The following AGPAT3 variants were observed in gnomAD, a reference collection of about 807,000 sequenced individuals.
AGPAT3 encodes 1-acylglycerol-3-phosphate O-acyltransferase 3.
A neutral mutation model predicts 47.3 loss-of-function variants in AGPAT3; 5 were observed. The ratio of observed to expected loss-of-function variants is 0.11; its 90% CI spans 0.06 to 0.22. AGPAT3 has a LOEUF of 0.22. Ranked by LOEUF, AGPAT3 falls within the 10% of genes least tolerant of loss-of-function variation. The pLI is 1.00. For synonymous variants in AGPAT3, 212 were observed against 208.3 expected, an observed-to-expected ratio of 1.02 and a Z score of -0.15; for missense variants, 315 against 493.0, an observed-to-expected ratio of 0.64 and a Z score of 3.42.
At chr21:43,926,961 A>G (rs1270194248) in intron 2 of AGPAT3, among the ~76,000 whole-genome samples, 1 of 144,140 alleles carries the variant, frequency 6.9e-6, no homozygotes, top group African/African-American at 2.6e-5. Context: ...TCTAGGCGAC[A>G]GAGGAAGACT....
intron 3 of AGPAT3, among the ~76,000 whole-genome samples, chr21:43,961,322 A>G (rs1451898477): frequency 6.6e-6 from 1 of 151,036 alleles, no homozygotes; most frequent in Non-Finnish European, 1.5e-5. Context: ...CGGTGAGCGC[A>G]TAGACACTTT....
intron 2 of AGPAT3, among the ~76,000 whole-genome samples, chr21:43,940,342 C>G (rs2146360178): frequency 6.6e-6 from 1 of 152,330 alleles, no homozygotes; most frequent in East Asian, 1.9e-4. Flanking sequence ...GTGAGTGAGG[C>G]CGGGGCCCGG....
chr21:43,951,018 A>C (rs527518204), intron 2 of AGPAT3: 2 of 152,204 alleles, frequency 1.3e-5, no homozygotes, highest in Non-Finnish European at 2.9e-5. Context: ...CTGCGTCTCT[A>C]CTGTTCCTGA....
chr21:43,953,335 G>C (rs567298164), intron 2 of AGPAT3, among the ~76,000 whole-genome samples: 2 of 152,322 alleles, frequency 1.3e-5, no homozygotes, highest in African/African-American at 4.8e-5. Context: ...GTATTCTGTC[G>C]GTATTCATTT....
In AGPAT3 at chr21:43,942,468, C is replaced by T. The variant is rs1461093710; in HGVS notation, c.-48-17166C>T. Among the ~76,000 whole-genome samples, 4 of 152,216 alleles carry T rather than the reference C, an allele frequency of 2.6e-5. No individual in the cohort carries two copies. In the South Asian group the frequency reaches 6.2e-4, roughly 24 times the overall value. Reference sequence around the variant, plus strand: ...CCACACGTGCCCAGGTACCTGGCGACGGACAGCAGGGAGCCCACAATGCCA... The same window carrying T: ...CCACACGTGCCCAGGTACCTGGCGATGGACAGCAGGGAGCCCACAATGCCA... On this transcript the variant is annotated intron_variant, in intron 2 of 9. Coordinates refer to ENST00000291572, the MANE Select transcript of AGPAT3 (RefSeq NM_020132.5).
intron 2 of AGPAT3, among the ~76,000 whole-genome samples, chr21:43,947,990 A>C (rs528561667): frequency 2.6e-5 from 4 of 152,224 alleles, no homozygotes; most frequent in Non-Finnish European, 5.9e-5. Context: ...TATATTGAAT[A>C]CGAGCCATTC....
At position 43,959,805 on chromosome 21, in the gene AGPAT3, A is replaced by G; in HGVS notation, c.124A>G (p.Ser42Gly). ...QLCTLALWPV[S>G]KQLYRRLNCR... ...GTGCACGCTGGCGCTCTGGCCGGTC[A>G]GCAAGCAGCTCTACCGCCGCCTCAA... Residue 42 changes from serine (S) to glycine (G), a missense_variant, in exon 3 of 10, where the codon AGC becomes GGC. Physicochemically the swap from Ser to Gly is moderately conservative, Grantham distance 56. Transcript: ENST00000291572. 3 of 1,613,076 alleles carry G rather than the reference A, an allele frequency of 1.9e-6. No individual in the cohort carries two copies. The highest frequency in any genetic ancestry group is 2.5e-6 in the Non-Finnish European group (3 of 1,179,918).
At position 43,922,074 on chromosome 21, in the gene AGPAT3, T is replaced by G. The variant is rs949196494; in HGVS notation, c.-49+18055T>G. Among the ~76,000 whole-genome samples the G allele has an allele frequency of 2.0e-5, 3 of 152,170 alleles. No individual in the cohort carries two copies. Reference sequence around the variant, plus strand: ...GTTGTGAGAATGTGGGCTTCCTTATTTGGGGGAGATTTTTTATAATGGAAA... The same window carrying G: ...GTTGTGAGAATGTGGGCTTCCTTATGTGGGGGAGATTTTTTATAATGGAAA... On this transcript the variant is annotated intron_variant, in intron 2 of 9. Coordinates refer to ENST00000291572, the MANE Select transcript of AGPAT3 (RefSeq NM_020132.5). This position sits in a 1 kb window ranked among gnomAD's most constrained non-coding sequence, Gnocchi z 4.9.
intron 1 of AGPAT3, among the ~76,000 whole-genome samples, chr21:43,871,448 T>C (rs1296480426): frequency 6.6e-6 from 1 of 152,232 alleles, no homozygotes; most frequent in Non-Finnish European, 1.5e-5. Context: ...AAAAATAATG[T>C]TTTCAGAATG....
intron 2 of AGPAT3, among the ~76,000 whole-genome samples, chr21:43,941,369 A>G (rs964981707): frequency 2.0e-5 from 3 of 152,176 alleles, no homozygotes; most frequent in Non-Finnish European, 4.4e-5. Context: ...AGTCTTCCCC[A>G]TGACTCAGTT....
intron 2 of AGPAT3, among the ~76,000 whole-genome samples, chr21:43,958,316 G>T (rs1374271717): frequency 6.6e-6 from 1 of 151,922 alleles, no homozygotes; most frequent in Non-Finnish European, 1.5e-5. Flanking sequence ...GTGTGCATGG[G>T]GTGGGGGGAT....
At chr21:43,977,873 G>A (rs1305279171) in intron 7 of AGPAT3, among the ~76,000 whole-genome samples, 173 bp from the exon 8 acceptor site, 4 of 149,460 alleles carry the variant, frequency 2.7e-5, no homozygotes, top group Admixed American at 6.7e-5. Flanking sequence ...GCAACAGAGC[G>A]AGACTCCATC....
In AGPAT3 at chr21:43,874,399, T is replaced by C. The variant is rs528060496; in HGVS notation, c.-112+9054T>C. Among the ~76,000 whole-genome samples the C allele has an allele frequency of 3.9e-5, 6 of 152,386 alleles. No homozygotes were observed. In the South Asian group the frequency reaches 1.2e-3, roughly 32 times the overall value. ...TACTGTCGTCTTGTTTATTTTGATA[T>C]GTAATATTTTCATTGTTCAGCATTT... On this transcript the variant is annotated intron_variant, in intron 1 of 9. Transcript: ENST00000291572.
intron 4 of AGPAT3, 139 bp downstream of exon 4, chr21:43,968,254 C>T: frequency 3.0e-6 from 1 of 329,630 alleles, no homozygotes; most frequent in Non-Finnish European, 4.3e-6. Flanking sequence ...TGGGAGTGAG[C>T]TGGGCGGGGT....
Position 43,907,095 on chromosome 21 carries a change from G to A in AGPAT3, c.-49+3076G>A, listed in dbSNP as rs369574888. Reference sequence around the variant, plus strand: ...CTCCCAGGCTGGAGCTCAATGACGCGATCTCAGGTCACTTCAGCCTTGAGC... The same window carrying A: ...CTCCCAGGCTGGAGCTCAATGACGCAATCTCAGGTCACTTCAGCCTTGAGC... On this transcript the variant is annotated intron_variant, in intron 2 of 9. Coordinates refer to ENST00000291572, the MANE Select transcript of AGPAT3 (RefSeq NM_020132.5). 1.1e-4 allele frequency among the ~76,000 whole-genome samples: 17 copies of A among 148,336 alleles called. No individual in the cohort carries two copies. The East Asian group carries it at 1.2e-3, about 10-fold the overall frequency.
chr21:43,904,188 A>C (rs2086431057), intron 2 of AGPAT3, among the ~76,000 whole-genome samples, 169 bp downstream of exon 2: 1 of 152,118 alleles, frequency 6.6e-6, no homozygotes, highest in Non-Finnish European at 1.5e-5. Context: ...ACCTTTGCTT[A>C]TGACCAACAG....
At chr21:43,882,170 G>A (rs1407904547) in intron 1 of AGPAT3, among the ~76,000 whole-genome samples, 1 of 152,260 alleles carries the variant, frequency 6.6e-6, no homozygotes, top group Non-Finnish European at 1.5e-5. Context: ...GTCAGTCTCA[G>A]CCTGTCATTC....
chr21:43,954,870 C>A lies in AGPAT3; in HGVS notation c.-48-4764C>A. ...GCACCCGGGCCAGGAGAAACATGTG[C>A]CAGAGGGCAGGCGTGGGCTCTCCGG... On this transcript the variant is annotated intron_variant, in intron 2 of 9. Transcript: ENST00000291572. The surrounding 1 kb of genome is among the most constrained non-coding windows in gnomAD (Gnocchi z 4.0). 3.4e-6 allele frequency: 1 copy of A among 293,600 alleles called. No individual in the cohort carries two copies. The highest frequency in any genetic ancestry group is 5.5e-6 in the Non-Finnish European group (1 of 183,486). The allele number at this position is 293,600 out of a possible 1,614,324, so 18.2% of individuals were successfully genotyped here.
intron 2 of AGPAT3, among the ~76,000 whole-genome samples, chr21:43,958,355 TTG>T (rs1257073945): frequency 2.7e-5 from 4 of 150,570 alleles, no homozygotes; most frequent in Non-Finnish European, 5.9e-5. Flanking sequence ...TGTGGTACAA[TTG>T]TGTGTGTGTG....
Sources: gnomAD v4.1 joint callset for allele counts (sites outside exome capture counted in the v4.1 genomes callset) on GRCh38, gnomAD v4.1.1 for gene constraint, Gnocchi (gnomAD v3.1) non-coding constraint, MANE v1.5 for transcripts, NCBI Gene and HGNC (gene_info 2026-07-23, HGNC 2026-07-21) for gene names.